ITGA6: variants seen among roughly 807,000 people sequenced by gnomAD.
ITGA6 encodes the protein integrin alpha-6.
Under a neutral mutation model 133.6 loss-of-function variants are expected in ITGA6, and 63 were observed. The ratio of observed to expected loss-of-function variants is 0.47; its 90% CI spans 0.38 to 0.58. The LOEUF is 0.58. ITGA6 is among the 20% of genes least tolerant of loss of function. The pLI is 0.00. For synonymous variants in ITGA6, 434 were observed against 482.0 expected, an observed-to-expected ratio of 0.90 and a Z score of 1.30; for missense variants, 1,068 against 1,309.4, an observed-to-expected ratio of 0.82 and a Z score of 2.85.
chr2:172,502,313 A>G (rs1687383290), intron 25 of ITGA6, among the ~76,000 whole-genome samples: 1 of 152,192 alleles, frequency 6.6e-6, no homozygotes, highest in Non-Finnish European at 1.5e-5. Flanking sequence ...AATTTTCCAC[A>G]GATAGAAGCT....
intron 14 of ITGA6, 22 bp from the exon 15 acceptor site, chr2:172,487,242 C>T: frequency 6.2e-7 from 1 of 1,600,952 alleles, no homozygotes; most frequent in Non-Finnish European, 8.6e-7. Context: ...CCTTTTTGTT[C>T]TTGTTTTCTT....
At chr2:172,458,401 G>A (rs538403728) in intron 1 of ITGA6, among the ~76,000 whole-genome samples, 46 of 152,006 alleles carry the variant, frequency 3.0e-4, no homozygotes, top group African/African-American at 9.9e-4. Context: ...CACCGCACCC[G>A]GCCAAGAATG....
chr2:172,439,255 C>T (rs1490302232), intron 1 of ITGA6, among the ~76,000 whole-genome samples: 1 of 151,848 alleles, frequency 6.6e-6, no homozygotes, highest in Non-Finnish European at 1.5e-5. Context: ...TAATCCTAGT[C>T]AATGCATCCA....
intron 5 of ITGA6, chr2:172,472,721 A>G: frequency 8.4e-7 from 1 of 1,192,086 alleles, no homozygotes; most frequent in South Asian, 1.2e-5. Context: ...CCTGCCTCTT[A>G]CCAAGCATAA....
At chr2:172,466,481 G>T (rs756773810) in intron 2 of ITGA6, among the ~76,000 whole-genome samples, 8 of 152,080 alleles carry the variant, frequency 5.3e-5, no homozygotes, top group African/African-American at 1.7e-4. Context: ...TTAGCCAGGC[G>T]TGGTGGTGTA....
At chr2:172,452,326 C>G (rs990335567) in intron 1 of ITGA6, among the ~76,000 whole-genome samples, 1 of 152,132 alleles carries the variant, frequency 6.6e-6, no homozygotes, top group African/African-American at 2.4e-5. Context: ...TTCCAGGGAA[C>G]AGGGACTGGT....
intron 1 of ITGA6, among the ~76,000 whole-genome samples, chr2:172,437,228 A>G (rs1398491595): frequency 6.6e-6 from 1 of 152,198 alleles, no homozygotes; most frequent in Non-Finnish European, 1.5e-5. Context: ...TGGATTTTAA[A>G]TGGATTTCTC....
intron 1 of ITGA6, chr2:172,464,546 G>A (rs1472529581): frequency 1.3e-5 from 2 of 152,276 alleles, no homozygotes; most frequent in Non-Finnish European, 2.9e-5. Context: ...GTTGTTCCAT[G>A]AGTCAGCCAG....
In ITGA6 at chr2:172,467,468, C is replaced by G; in HGVS notation, c.308-13C>G. Reference sequence around the variant, plus strand: ...GCAGTCACTTGGAAGGCTAACTATGCTCCTTTCTACAGCTGACCCCACGTC... The same window carrying G: ...GCAGTCACTTGGAAGGCTAACTATGGTCCTTTCTACAGCTGACCCCACGTC... On this transcript the variant is annotated splice_polypyrimidine_tract_variant and intron_variant, in intron 2 of 25. Transcript: ENST00000684293. 6.2e-7 allele frequency: 1 copy of G among 1,609,064 alleles called. No individual in the cohort carries two copies. Among genetic ancestry groups the G allele is most frequent in the South Asian group, 1.1e-5 (1 of 91,004 alleles).
At position 172,491,048 on chromosome 2, in the gene ITGA6, C is replaced by T. The variant is rs199587983; in HGVS notation, c.2704C>T (p.Arg902Trp). The change falls in exon 21 of 26, where the codon CGG (arginine) becomes TGG (tryptophan). Residue 902 changes from arginine (R) to tryptophan (W), a missense_variant. By Grantham distance (101) the Arg-to-Trp change is moderately radical. This residue lies in a region of ITGA6 where 609 missense variants were observed against 707.2 expected (regional missense o/e 0.86). Coordinates refer to ENST00000684293, the MANE Select transcript of ITGA6 (RefSeq NM_000210.4). This position sits in a 1 kb window ranked among gnomAD's most constrained non-coding sequence, Gnocchi z 4.4. The stretch of plus-strand genomic sequence containing the variant: ...GGAGTCTCACAACTCAAGAAAGAAA[C>T]GGGAAATTACTGAAAAACAGATAGA... ...LTESHNSRKK[R>W]EITEKQIDDN... The T allele has an allele frequency of 1.1e-3, 1,685 of 1,581,406 alleles. 19 individuals carry two copies. Among genetic ancestry groups the T allele is most frequent in the Non-Finnish European group, 1.9e-4 (221 of 1,151,214 alleles).
rs748580366 is a variant in ITGA6 at position 172,504,280 on chromosome 2, A to C, written c.*212A>C. The C allele has an allele frequency of 6.6e-7, 1 of 1,509,828 alleles. No individual in the cohort carries two copies. The highest frequency in any genetic ancestry group is 1.3e-5 in the South Asian group (1 of 77,156). 93.5% of individuals were successfully genotyped at this position (1,509,828 alleles called of 1,614,324 possible). A position where few individuals can be genotyped will look rare whatever the true frequency, so the allele number is the denominator to read the frequency against. ...GGGGCCTAAAAAAAAAAAGCTTCAC[A>C]GTACCCAAACTGCTTTTTCCAACTC... On this transcript the variant is annotated 3_prime_UTR_variant, in exon 26 of 26. Transcript: ENST00000684293.
intron 9 of ITGA6, 107 bp from the exon 10 acceptor site, chr2:172,479,534 T>C: frequency 1.1e-6 from 1 of 890,648 alleles, no homozygotes; most frequent in East Asian, 2.4e-5. Context: ...TTTTTTCCTG[T>C]GTTTTTAAGC....
At chr2:172,451,226 A>G (rs1178936511) in intron 1 of ITGA6, among the ~76,000 whole-genome samples, 1 of 151,688 alleles carries the variant, frequency 6.6e-6, no homozygotes, top group Non-Finnish European at 1.5e-5. Flanking sequence ...GCACTTTGGG[A>G]GGCCAAGGCC....
chr2:172,486,176 C>CAAAAAAAAAAAAAAAAAAA (rs67271824), intron 13 of ITGA6, among the ~76,000 whole-genome samples: 1 of 77,334 alleles, frequency 1.3e-5, no homozygotes, highest in East Asian at 6.3e-4. Flanking sequence ...ACTCTATCTC[C>CAAAAAAAAAAAAAAAAAAA]AAAAAAAAAA....
intron 1 of ITGA6, among the ~76,000 whole-genome samples, chr2:172,453,408 G>A (rs1685087817): frequency 6.6e-6 from 1 of 152,108 alleles, no homozygotes; most frequent in African/African-American, 2.4e-5. Context: ...CACACCTGTA[G>A]TCCCAGCTAC....
chr2:172,484,179 T>C (rs1660861081), intron 11 of ITGA6, among the ~76,000 whole-genome samples: 1 of 152,230 alleles, frequency 6.6e-6, no homozygotes, highest in East Asian at 1.9e-4. Flanking sequence ...TAAAATATAT[T>C]ATTCCTCTGT....
chr2:172,499,723 G>A (rs1270220625), intron 24 of ITGA6, among the ~76,000 whole-genome samples: 1 of 152,156 alleles, frequency 6.6e-6, no homozygotes, highest in African/African-American at 2.4e-5. Flanking sequence ...ATGATGTTGT[G>A]TTTTCTGGAA....
At chr2:172,466,037 G>C in intron 2 of ITGA6, 1 of 335,590 alleles carries the variant, frequency 3.0e-6, no homozygotes, top group South Asian at 2.6e-5. Context: ...AAAATATTTG[G>C]GAGAAAGACA....
At chr2:172,503,854 G>A (rs924325400) in intron 25 of ITGA6, 5 of 309,644 alleles carry the variant, frequency 1.6e-5, no homozygotes, top group Non-Finnish European at 2.9e-5. Context: ...GTTATAAAAT[G>A]TAAAGAGAAG....
Sources: gnomAD v4.1 joint callset for allele counts (sites outside exome capture counted in the v4.1 genomes callset) on GRCh38, gnomAD v4.1.1 for gene constraint, gnomAD v4.1.1 regional missense constraint, Gnocchi (gnomAD v3.1) non-coding constraint, MANE v1.5 for transcripts, NCBI Gene and HGNC (gene_info 2026-07-23, HGNC 2026-07-21) for gene names.